PRP4K: variants seen among roughly 807,000 people sequenced by gnomAD.
PRP4K encodes the protein pre-mRNA processing factor kinase PRP4K, also known as serine/threonine-protein kinase PRP4 homolog.
chr6:4,039,339 C>T, the PRP4K span, among the ~76,000 whole-genome samples: 1 of 152,174 alleles, frequency 6.6e-6, no homozygotes, highest in Non-Finnish European at 1.5e-5. Context: ...TTCCGGAATC[C>T]TTTCATTTCC....
the PRP4K span, chr6:4,049,956 A>T: frequency 1.4e-6 from 2 of 1,460,764 alleles, no homozygotes; most frequent in African/African-American, 1.4e-5. Context: ...CTATTTTTTT[A>T]AAGTGATACA....
chr6:4,047,049 C>T, the PRP4K span: 2 of 728,654 alleles, frequency 2.7e-6, no homozygotes, highest in Non-Finnish European at 4.9e-6. Flanking sequence ...AAATTGAATA[C>T]TGTTGGGAAA....
chr6:4,053,903 TTTTTGTTTTG>T, the PRP4K span, among the ~76,000 whole-genome samples: 1 of 149,392 alleles, frequency 6.7e-6, no homozygotes, highest in African/African-American at 2.5e-5. Context: ...TCTTTTGTTT[TTTTTGTTTTG>T]TTTTGTTTTG....
chr6:4,021,519 G>A, the PRP4K span: 10 of 1,558,214 alleles, frequency 6.4e-6, no homozygotes, highest in Non-Finnish European at 7.8e-6. Context: ...ACTGCCGAGT[G>A]GGAGCTGCAC....
At chr6:4,041,231 G>C in the PRP4K span, among the ~76,000 whole-genome samples, 33 of 152,246 alleles carry the variant, frequency 2.2e-4, no homozygotes, top group African/African-American at 7.9e-4. Flanking sequence ...AGAGTTACTA[G>C]ATTTTGGGAG....
At chr6:4,032,439 C>T in the PRP4K span, 5 of 1,614,020 alleles carry the variant, frequency 3.1e-6, no homozygotes, top group East Asian at 2.2e-5. Context: ...CAGAAGGTCA[C>T]GGTCCAAAGA....
chr6:4,043,730 T>G, the PRP4K span: 1 of 1,321,372 alleles, frequency 7.6e-7, no homozygotes, highest in Non-Finnish European at 1.1e-6. Context: ...TCTTAACTTT[T>G]CACTGCAGCA....
chr6:4,022,913 ATTCAT>A, the PRP4K span, among the ~76,000 whole-genome samples: 7,055 of 152,228 alleles, frequency 0.046, 230 homozygotes, highest in Non-Finnish European at 0.066. Context: ...GATGTTTCAG[ATTCAT>A]TTCCAGGAGT....
the PRP4K span, chr6:4,056,592 A>G: frequency 6.3e-7 from 1 of 1,592,238 alleles, no homozygotes; most frequent in South Asian, 1.1e-5. Context: ...GGTGGAATGA[A>G]GGTAGTTGTG....
chr6:4,037,857 AT>A, the PRP4K span, among the ~76,000 whole-genome samples: 3,120 of 141,564 alleles, frequency 0.022, 64 homozygotes, highest in African/African-American at 0.059. Context: ...AGACTTAGGG[AT>A]TTTTTTTTTT....
chr6:4,054,906 G>C, the PRP4K span, among the ~76,000 whole-genome samples: 1 of 152,180 alleles, frequency 6.6e-6, no homozygotes, highest in Admixed American at 6.5e-5. Flanking sequence ...GGAGGTTAAA[G>C]AATAACACAT....
chr6:4,056,800 A>G, the PRP4K span: 12 of 1,290,116 alleles, frequency 9.3e-6, no homozygotes, highest in East Asian at 2.7e-5. Context: ...GAAGAAATAC[A>G]TATTTTCTTT....
chr6:4,059,045 G>A, the PRP4K span, among the ~76,000 whole-genome samples: 437 of 152,144 alleles, frequency 2.9e-3, 17 homozygotes, highest in South Asian at 0.033. Flanking sequence ...TTAGGCCCTC[G>A]TCACATCTTC....
the PRP4K span, among the ~76,000 whole-genome samples, chr6:4,025,447 A>G: frequency 6.6e-6 from 1 of 152,216 alleles, no homozygotes; most frequent in Non-Finnish European, 1.5e-5. Flanking sequence ...TGACATTTGC[A>G]TTGAGAGATG....
chr6:4,053,461 C>A, the PRP4K span, among the ~76,000 whole-genome samples: 10 of 152,274 alleles, frequency 6.6e-5, no homozygotes, highest in South Asian at 2.1e-3. Flanking sequence ...CACCCTCCAG[C>A]CTCTGACGGA....
chr6:4,021,553 T>G, the PRP4K span: 1 of 1,522,676 alleles, frequency 6.6e-7, no homozygotes, highest in Admixed American at 2.0e-5. Context: ...AGTTCGGGCC[T>G]AACGGCGAGA....
chr6:4,036,662 C>A, the PRP4K span, among the ~76,000 whole-genome samples: 1 of 151,880 alleles, frequency 6.6e-6, no homozygotes, highest in Non-Finnish European at 1.5e-5. Flanking sequence ...CAAGTGTAAA[C>A]CATTGTGCCT....
the PRP4K span, among the ~76,000 whole-genome samples, chr6:4,028,655 G>A: frequency 2.6e-5 from 4 of 152,176 alleles, no homozygotes; most frequent in Non-Finnish European, 4.4e-5. Context: ...ACTTTCACCA[G>A]AGGACGTAGC....
At chr6:4,030,219 A>G in the PRP4K span, among the ~76,000 whole-genome samples, 3 of 152,344 alleles carry the variant, frequency 2.0e-5, no homozygotes, top group Admixed American at 1.3e-4. Context: ...CTGGGATTAC[A>G]GACGTGAGCC....
Sources: allele counts gnomAD v4.1 joint callset (sites outside exome capture counted in the v4.1 genomes callset), GRCh38; gene constraint gnomAD v4.1.1; transcripts MANE v1.5; gene names NCBI Gene and HGNC (gene_info 2026-07-23, HGNC 2026-07-21).